The following DPYD variants were observed in gnomAD, a reference collection of about 807,000 sequenced individuals.
The protein encoded by DPYD is dihydropyrimidine dehydrogenase, also known as dihydropyrimidine dehydrogenase [NADP(+)].
A neutral mutation model predicts 116.2 loss-of-function variants in DPYD; 109 were observed. The ratio of observed to expected loss-of-function variants is 0.94; its 90% confidence interval spans 0.80 to 1.10. The LOEUF (loss-of-function observed/expected upper bound fraction) is 1.10. Among genes scored for constraint, DPYD ranks in the 50% least tolerant of loss-of-function variants. The pLI, the probability that DPYD is intolerant of heterozygous loss-of-function variation, is 0.00. For synonymous variants in DPYD, 440 were observed against 432.0 expected (o/e 1.02, Z -0.23); for missense variants, 1,302 against 1,254.5 (o/e 1.04, Z -0.57).
At chr1:97,814,927 A>AGGAAAGAAAGAAAGGAAG (rs1571403158) in intron 3 of DPYD, among the ~76,000 whole-genome samples, 3 of 18,250 alleles carry the variant, frequency 1.6e-4, no homozygotes, top group South Asian at 2.2e-3. Context: ...AAAAAGAAAG[A>AGGAAAGAAAGAAAGGAAG]GAGAGGAAAG....
intron 8 of DPYD, among the ~76,000 whole-genome samples, chr1:97,626,088 T>C (rs1009528800): frequency 1.3e-5 from 2 of 152,048 alleles, no homozygotes; most frequent in Admixed American, 6.6e-5. Context: ...ACCACTTCTT[T>C]CTTAATTGTT....
Position 97,777,043 on chromosome 1 carries a change from T to C in DPYD, c.234-36564A>G, listed in dbSNP as rs115894764. On this transcript the variant is annotated intron_variant, in intron 3 of 22. Coordinates refer to ENST00000370192, the MANE Select transcript of DPYD (RefSeq NM_000110.4). ...TCTAAGTGAAATTATCTAAAAATAC[T>C]ATAGGAAGTGTGGATATCATTTACC... Among the ~76,000 whole-genome samples, 1,003 of 152,266 alleles carry C rather than the reference T, an allele frequency of 6.6e-3. 13 individuals are homozygous for C. Among genetic ancestry groups the C allele is most frequent in the African/African-American group, 0.023 (944 of 41,562 alleles).
At chr1:97,148,664 T>A (rs1280656869) in intron 20 of DPYD, among the ~76,000 whole-genome samples, 1 of 152,154 alleles carries the variant, frequency 6.6e-6, no homozygotes, top group African/African-American at 2.4e-5. Context: ...TACTATGGAA[T>A]CCCTGGCAAT....
At chr1:97,470,684 C>A (rs576188369) in intron 13 of DPYD, among the ~76,000 whole-genome samples, 1 of 152,136 alleles carries the variant, frequency 6.6e-6, no homozygotes, top group Non-Finnish European at 1.5e-5. Context: ...TACAGTTAGA[C>A]CTACAAAAGA....
At chr1:97,585,959 C>CA in intron 10 of DPYD, 1 of 215,880 alleles carries the variant, frequency 4.6e-6, no homozygotes, top group South Asian at 9.0e-5. Context: ...TTATGTCTTC[C>CA]CTCTTTCCAA....
At chr1:97,418,139 G>T (rs575834409) in intron 14 of DPYD, among the ~76,000 whole-genome samples, 1 of 152,152 alleles carries the variant, frequency 6.6e-6, no homozygotes, top group Admixed American at 6.5e-5. Context: ...ACATGTTCCT[G>T]AGGTTTTAAA....
At chr1:97,175,153 T>C (rs1043571128) in intron 20 of DPYD, among the ~76,000 whole-genome samples, 12 of 152,204 alleles carry the variant, frequency 7.9e-5, no homozygotes, top group African/African-American at 2.9e-4. Flanking sequence ...ATATACTCAT[T>C]AGCAATGTAT....
intron 19 of DPYD, among the ~76,000 whole-genome samples, chr1:97,196,305 C>A (rs1282634526): frequency 6.6e-6 from 1 of 151,662 alleles, no homozygotes; most frequent in East Asian, 1.9e-4. Context: ...TTTATTTATT[C>A]TTATAGAGAT....
At chr1:97,790,365 T>C (rs558049329) in intron 3 of DPYD, among the ~76,000 whole-genome samples, 2 of 152,206 alleles carry the variant, frequency 1.3e-5, no homozygotes, top group African/African-American at 2.4e-5. Flanking sequence ...TAGTCTCTAA[T>C]AGTTATTTCT....
chr1:97,560,392 A>C (rs1434272381), intron 11 of DPYD, among the ~76,000 whole-genome samples: 1 of 152,146 alleles, frequency 6.6e-6, no homozygotes, highest in Non-Finnish European at 1.5e-5. Context: ...TAAAAAGGTG[A>C]CACTTGCAGT....
intron 15 of DPYD, among the ~76,000 whole-genome samples, chr1:97,380,879 G>A (rs1304269745): frequency 6.6e-6 from 1 of 152,110 alleles, no homozygotes; most frequent in South Asian, 2.1e-4. Flanking sequence ...TCTACAAAAC[G>A]TTATTGGGTG....
chr1:97,620,453 TG>T (rs1390698173), intron 8 of DPYD, among the ~76,000 whole-genome samples: 1 of 152,286 alleles, frequency 6.6e-6, no homozygotes, highest in African/African-American at 2.4e-5. Context: ...TGGCCTCAAT[TG>T]ATCCTCCCCG....
At chr1:97,543,077 A>G (rs190571715) in intron 12 of DPYD, among the ~76,000 whole-genome samples, 3 of 152,292 alleles carry the variant, frequency 2.0e-5, no homozygotes, top group South Asian at 2.1e-4. Flanking sequence ...TTTCTTTCAT[A>G]ATCTTCTGCA....
intron 19 of DPYD, among the ~76,000 whole-genome samples, chr1:97,222,292 G>A (rs1478211974): frequency 6.6e-6 from 1 of 152,074 alleles, no homozygotes; most frequent in African/African-American, 2.4e-5. Flanking sequence ...TATAAGGTGA[G>A]GAATTTTCTG....
rs866142964 is a variant in DPYD at position 97,288,056 on chromosome 1, C to G, written c.2299+17203G>C. On this transcript the variant is annotated intron_variant, in intron 18 of 22. Coordinates refer to ENST00000370192, the MANE Select transcript of DPYD (RefSeq NM_000110.4). Reference sequence around the variant, plus strand: ...CAATCCTACTCTCTGATAAAACAGACTTTAAACCAACAAAGATCAAAAGAG... The same window carrying G: ...CAATCCTACTCTCTGATAAAACAGAGTTTAAACCAACAAAGATCAAAAGAG... 1.2e-4 allele frequency among the ~76,000 whole-genome samples: 18 copies of G among 150,944 alleles called. No homozygotes were observed. In the Middle Eastern group the frequency reaches 0.01, roughly 86 times the overall value.
intron 11 of DPYD, among the ~76,000 whole-genome samples, chr1:97,556,853 T>C (rs1442413822): frequency 2.0e-5 from 3 of 150,860 alleles, no homozygotes; most frequent in Non-Finnish European, 3.0e-5. Context: ...TGATTTATAG[T>C]CCTTTGGGTA....
At chr1:97,164,469 AAG>A (rs1287455163) in intron 20 of DPYD, among the ~76,000 whole-genome samples, 3 of 152,190 alleles carry the variant, frequency 2.0e-5, no homozygotes, top group Non-Finnish European at 4.4e-5. Flanking sequence ...CCCAGATGGG[AAG>A]AGAGGAAGTG....
intron 16 of DPYD, among the ~76,000 whole-genome samples, chr1:97,312,469 T>C (rs1475564117): frequency 2.0e-5 from 3 of 151,884 alleles, no homozygotes; most frequent in Non-Finnish European, 4.4e-5. Context: ...ATGTCTGCCA[T>C]TCACTACAGC....
intron 10 of DPYD, among the ~76,000 whole-genome samples, chr1:97,578,351 C>T (rs1653414982): frequency 6.6e-6 from 1 of 152,064 alleles, no homozygotes; most frequent in East Asian, 1.9e-4. Context: ...TAGCTTCAAA[C>T]CGACTTTGTC....
Sources: gnomAD v4.1 joint callset for allele counts (sites outside exome capture counted in the v4.1 genomes callset) on GRCh38, gnomAD v4.1.1 for gene constraint, MANE v1.5 for transcripts, NCBI Gene and HGNC (gene_info 2026-07-23, HGNC 2026-07-21) for gene names.